Variants in PDS5A observed in about 807,000 individuals in gnomAD.
The protein encoded by PDS5A is PDS5 cohesin associated factor A, also known as sister chromatid cohesion protein PDS5 homolog A.
Under a neutral mutation model 167.1 loss-of-function variants are expected in PDS5A, and 42 were observed. The observed-to-expected ratio is 0.25, with a 90% CI of 0.20 to 0.33. PDS5A has a LOEUF of 0.33. Ranked by LOEUF, PDS5A falls within the 10% of genes least tolerant of loss-of-function variation. The pLI, the probability that PDS5A is intolerant of heterozygous loss-of-function variation, is 1.00. For synonymous variants in PDS5A, 553 were observed against 554.6 expected (o/e 1.00, Z 0.04); for missense variants, 1,033 against 1,605.9 (o/e 0.64, Z 6.10).
intron 16 of PDS5A, 119 bp downstream of exon 16, chr4:39,898,270 A>C: frequency 7.4e-7 from 1 of 1,359,448 alleles, no homozygotes. Context: ...CTCCAAAGTA[A>C]TTCAGAGCTC....
chr4:39,882,622 C>T lies in PDS5A; in HGVS notation c.1887-2789G>A, dbSNP rs140849369. On this transcript the variant is annotated intron_variant, in intron 17 of 32. Transcript: ENST00000303538. The stretch of plus-strand genomic sequence containing the variant: ...TATTTCATGAGTATTTATTAACTAC[C>T]TGTCATGTGCCAAGTCTTATGGTCT... Among the ~76,000 whole-genome samples the T allele has an allele frequency of 4.6e-3, 703 of 152,198 alleles. 8 individuals are homozygous for T. Among genetic ancestry groups the T allele is most frequent in the African/African-American group, 0.016 (663 of 41,534 alleles).
At chr4:39,867,836 T>A (rs1201887177) in intron 22 of PDS5A, among the ~76,000 whole-genome samples, 1 of 151,820 alleles carries the variant, frequency 6.6e-6, no homozygotes, top group Non-Finnish European at 1.5e-5. Flanking sequence ...TTTGTGGTAT[T>A]GAAAAACTAC....
chr4:39,918,040 G>A (rs749097408), intron 7 of PDS5A, among the ~76,000 whole-genome samples: 155 of 152,092 alleles, frequency 1.0e-3, no homozygotes, highest in Non-Finnish European at 1.8e-3. Flanking sequence ...TTATCTGGGT[G>A]TGGTAGTGCA....
intron 28 of PDS5A, chr4:39,847,593 CAAAAA>C (rs1225427276): frequency 6.9e-6 from 1 of 144,812 alleles, no homozygotes; most frequent in African/African-American, 2.5e-5. Flanking sequence ...GACGGAGACT[CAAAAA>C]AAAAAAATTT....
intron 2 of PDS5A, among the ~76,000 whole-genome samples, chr4:39,950,169 G>A (rs549095407): frequency 5.9e-5 from 9 of 152,204 alleles, no homozygotes; most frequent in South Asian, 2.1e-4. Flanking sequence ...CCAAAGTGGC[G>A]GGATTACAGG....
At chr4:39,921,706 A>T (rs1432073617) in intron 6 of PDS5A, among the ~76,000 whole-genome samples, 1 of 151,868 alleles carries the variant, frequency 6.6e-6, no homozygotes, top group Non-Finnish European at 1.5e-5. Context: ...GAGCCAAGAT[A>T]GTGCCGCTGC....
At chr4:39,924,592 C>T (rs1725286699) in intron 5 of PDS5A, among the ~76,000 whole-genome samples, 4 of 152,214 alleles carry the variant, frequency 2.6e-5, no homozygotes, top group African/African-American at 9.6e-5. Flanking sequence ...ATATGCAAGC[C>T]ATTTGCCACA....
intron 16 of PDS5A, among the ~76,000 whole-genome samples, chr4:39,892,325 G>A (rs1037544862): frequency 6.6e-6 from 1 of 152,064 alleles, no homozygotes; most frequent in African/African-American, 2.4e-5. Context: ...ATGTAATTGT[G>A]CTAATATATA....
At chr4:39,864,158 CA>C (rs1719232040) in intron 23 of PDS5A, among the ~76,000 whole-genome samples, 1 of 150,368 alleles carries the variant, frequency 6.7e-6, no homozygotes, top group African/African-American at 2.5e-5. Flanking sequence ...AAACAAAAAA[CA>C]AAAAAACTTG....
At chr4:39,862,014 C>T (rs1453662314) in intron 26 of PDS5A, among the ~76,000 whole-genome samples, 1 of 151,864 alleles carries the variant, frequency 6.6e-6, no homozygotes, top group Non-Finnish European at 1.5e-5. Flanking sequence ...TAACTAGCTG[C>T]AAACAAACAG....
chr4:39,971,604 G>A (rs1218023130), intron 2 of PDS5A, among the ~76,000 whole-genome samples: 1 of 151,944 alleles, frequency 6.6e-6, no homozygotes, highest in African/African-American at 2.4e-5. Context: ...AGATTACAGA[G>A]GTGTGCCACC....
intron 25 of PDS5A, 27 bp downstream of exon 25, chr4:39,862,842 G>A: frequency 7.2e-7 from 1 of 1,387,696 alleles, no homozygotes; most frequent in Middle Eastern, 2.3e-4. Flanking sequence ...AAATATATTT[G>A]CACACGGAGA....
chr4:39,917,642 T>A (rs1055078113), intron 7 of PDS5A, among the ~76,000 whole-genome samples: 3 of 152,080 alleles, frequency 2.0e-5, no homozygotes, highest in Non-Finnish European at 4.4e-5. Flanking sequence ...TGGCGTGATC[T>A]CGGCTTACTG....
chr4:39,871,699 TTTTA>T (rs748838761), intron 21 of PDS5A, among the ~76,000 whole-genome samples: 21 of 152,294 alleles, frequency 1.4e-4, no homozygotes, highest in African/African-American at 4.3e-4. Flanking sequence ...GCAGTGATTC[TTTTA>T]TTTATTTATT....
chr4:39,905,475 T>A (rs1456377937), intron 11 of PDS5A, among the ~76,000 whole-genome samples: 2 of 152,138 alleles, frequency 1.3e-5, no homozygotes, highest in African/African-American at 4.8e-5. Context: ...GGGAAATCAC[T>A]TGAGCCTGAG....
chr4:39,888,664 T>A (rs1721695981), intron 17 of PDS5A, among the ~76,000 whole-genome samples: 1 of 149,904 alleles, frequency 6.7e-6, no homozygotes, highest in African/African-American at 2.5e-5. Flanking sequence ...GAGCTCATTA[T>A]GTTAAATAAA....
At chr4:39,850,271 C>CAAA (rs1553889621) in intron 26 of PDS5A, among the ~76,000 whole-genome samples, 1 of 94,848 alleles carries the variant, frequency 1.1e-5, no homozygotes. Context: ...GACTCTCTCT[C>CAAA]AAAAAAAAAA....
chr4:39,908,548 A>T lies in PDS5A; in HGVS notation c.1088-8T>A. The T allele has an allele frequency of 6.6e-7, 1 of 1,506,380 alleles. No individual in the cohort carries two copies. The highest frequency in any genetic ancestry group is 9.1e-7 in the Non-Finnish European group (1 of 1,099,596). The allele number at this position is 1,506,380 out of a possible 1,614,324, so 93.3% of individuals were successfully genotyped here. ...ATCTAACCTTTAAATATTCTGTAAT[A>T]AGAGAAAAAAAACTTAGGCTAAATG... On this transcript the variant is annotated splice_polypyrimidine_tract_variant and splice_region_variant and intron_variant, in intron 10 of 32. Transcript: ENST00000303538.
chr4:39,880,312 C>A (rs1720823812), intron 17 of PDS5A, among the ~76,000 whole-genome samples: 1 of 152,036 alleles, frequency 6.6e-6, no homozygotes, highest in South Asian at 2.1e-4. Context: ...TCATTGGAAG[C>A]ATCATGCTGT....
Sources: gnomAD v4.1 joint callset for allele counts (sites outside exome capture counted in the v4.1 genomes callset) on GRCh38, gnomAD v4.1.1 for gene constraint, MANE v1.5 for transcripts, NCBI Gene and HGNC (gene_info 2026-07-23, HGNC 2026-07-21) for gene names.